The following LCORL variants were observed in gnomAD, a reference collection of about 807,000 sequenced individuals.
The protein encoded by LCORL is ligand dependent nuclear receptor corepressor like, also known as ligand-dependent nuclear receptor corepressor-like protein.
In LCORL, 41 loss-of-function variants were observed where a neutral mutation model predicts 141.8. The ratio of observed to expected loss-of-function variants is 0.29; its 90% CI spans 0.23 to 0.38. LCORL has a LOEUF of 0.38. Among genes scored for constraint, LCORL ranks in the 10% least tolerant of loss-of-function variants. The pLI is 1.00. For synonymous variants in LCORL, 618 were observed against 694.1 expected (o/e 0.89, Z 1.72); for missense variants, 1,759 against 2,035.0 (o/e 0.86, Z 2.61).
exon 7 of LCORL, chr4:17,877,042 T>C (rs1011248982): frequency 2.4e-6 from 3 of 1,230,626 alleles, no homozygotes; most frequent in Non-Finnish European, 3.0e-6. Context: ...TTCCTTGAAC[T>C]TTTTTCGGTG....
chr4:17,856,963 C>T (rs1326372498), intron 7 of LCORL, among the ~76,000 whole-genome samples: 1 of 152,160 alleles, frequency 6.6e-6, no homozygotes. Context: ...AAAATACAGA[C>T]TGGTGAGAAT....
chr4:17,979,093 T>G (rs1394312249), intron 1 of LCORL, among the ~76,000 whole-genome samples: 1 of 152,032 alleles, frequency 6.6e-6, no homozygotes, highest in Non-Finnish European at 1.5e-5. Flanking sequence ...TTCCCCTTCC[T>G]GTGTCCATGT....
chr4:17,906,428 A>G (rs972494044), intron 5 of LCORL, among the ~76,000 whole-genome samples: 2 of 152,142 alleles, frequency 1.3e-5, no homozygotes, highest in Admixed American at 6.5e-5. Flanking sequence ...AATAATTTCT[A>G]TCCTCAAGAA....
At chr4:18,004,972 G>A (rs562386648) in intron 1 of LCORL, among the ~76,000 whole-genome samples, 2 of 151,880 alleles carry the variant, frequency 1.3e-5, no homozygotes, top group African/African-American at 4.8e-5. Flanking sequence ...GCCCAGACTG[G>A]AGTGCAATGA....
In LCORL at chr4:17,883,411, G is replaced by A. The variant is rs574227746; in HGVS notation, c.776+2657C>T. 14 of 1,090,826 alleles carry A rather than the reference G, an allele frequency of 1.3e-5. No individual in the cohort carries two copies. The East Asian group carries it at 2.9e-4, about 22-fold the overall frequency. 67.6% of individuals were successfully genotyped at this position (1,090,826 alleles called of 1,614,324 possible). Reference sequence around the variant, plus strand: ...TGACAATTACTCGTTTTCCCACAACGCTTTATGCTATTGACTACTAAAGAA... The same window carrying A: ...TGACAATTACTCGTTTTCCCACAACACTTTATGCTATTGACTACTAAAGAA... On this transcript the variant is annotated intron_variant, in intron 6 of 7. Coordinates refer to ENST00000635767, the Ensembl canonical transcript of LCORL.
chr4:17,882,161 C>T (rs1318015300), intron 6 of LCORL: 8 of 983,392 alleles, frequency 8.1e-6, no homozygotes, highest in East Asian at 1.1e-4. Context: ...TAGTATTACA[C>T]GTATATATGA....
At chr4:17,875,751 C>T in exon 7 of LCORL, 1 of 1,230,896 alleles carries the variant, frequency 8.1e-7, no homozygotes, top group Non-Finnish European at 1.0e-6. Context: ...TTTTTTTGGT[C>T]TACCTGGTTT....
chr4:17,951,500 C>T (rs1450285246), intron 4 of LCORL, among the ~76,000 whole-genome samples: 1 of 152,198 alleles, frequency 6.6e-6, no homozygotes, highest in Non-Finnish European at 1.5e-5. Flanking sequence ...CCTAAGATCT[C>T]TATGGTTTGC....
chr4:17,924,680 A>G (rs1230024993), intron 4 of LCORL, among the ~76,000 whole-genome samples: 1 of 152,172 alleles, frequency 6.6e-6, no homozygotes, highest in Admixed American at 6.5e-5. Flanking sequence ...TATTCCACAT[A>G]GCATTGCCTC....
chr4:17,856,296 A>T (rs1320067208), intron 7 of LCORL, among the ~76,000 whole-genome samples: 2 of 152,164 alleles, frequency 1.3e-5, no homozygotes, highest in Non-Finnish European at 2.9e-5. Context: ...GTATTTGGGG[A>T]TAGGACCTTT....
chr4:17,858,220 A>T (rs1431344150), intron 7 of LCORL, among the ~76,000 whole-genome samples: 1 of 152,164 alleles, frequency 6.6e-6, no homozygotes, highest in African/African-American at 2.4e-5. Context: ...CGAAATAAAA[A>T]ATATCCTAGA....
At chr4:17,952,389 C>G (rs1036989659) in intron 4 of LCORL, among the ~76,000 whole-genome samples, 13 of 151,586 alleles carry the variant, frequency 8.6e-5, no homozygotes, top group African/African-American at 1.2e-4. Flanking sequence ...AAATAAAAAA[C>G]CCATTTTCTT....
chr4:17,957,922 T>C (rs930703497), intron 4 of LCORL, among the ~76,000 whole-genome samples: 2 of 151,950 alleles, frequency 1.3e-5, no homozygotes, highest in Non-Finnish European at 2.9e-5. Flanking sequence ...TAAATTTACA[T>C]AGTCAATCAA....
intron 1 of LCORL, among the ~76,000 whole-genome samples, chr4:18,010,207 C>A (rs936959444): frequency 1.3e-5 from 2 of 151,542 alleles, no homozygotes; most frequent in Admixed American, 1.3e-4. Context: ...CAGAAGAGAG[C>A]ACTGGGTTTC....
At chr4:17,874,874 C>T (rs1726748588) in exon 7 of LCORL, 1 of 1,233,488 alleles carries the variant, frequency 8.1e-7, no homozygotes, top group Non-Finnish European at 1.0e-6. Flanking sequence ...TATGTTTTTC[C>T]TTCTGACTTT....
At chr4:17,872,234 T>C (rs1447414767) in intron 7 of LCORL, among the ~76,000 whole-genome samples, 4 of 152,080 alleles carry the variant, frequency 2.6e-5, no homozygotes, top group Admixed American at 1.3e-4. Flanking sequence ...TCCCTCATTG[T>C]CCAGTACTTA....
At chr4:17,983,096 T>G (rs1055841980) in intron 1 of LCORL, among the ~76,000 whole-genome samples, 1 of 152,142 alleles carries the variant, frequency 6.6e-6, no homozygotes, top group Middle Eastern at 3.2e-3. Context: ...CTTATTTCTG[T>G]GCTCTCTATT....
At chr4:17,999,873 A>G (rs1459503354) in intron 1 of LCORL, among the ~76,000 whole-genome samples, 3 of 152,232 alleles carry the variant, frequency 2.0e-5, no homozygotes, top group Non-Finnish European at 4.4e-5. Flanking sequence ...ACCCATGAAG[A>G]GCACATACTA....
intron 6 of LCORL, chr4:17,881,809 T>C: frequency 1.0e-6 from 1 of 983,258 alleles, no homozygotes; most frequent in South Asian, 4.7e-5. Context: ...GTCAATAAAA[T>C]TGTTTTGAAA....
Sources: gnomAD v4.1 joint callset for allele counts (sites outside exome capture counted in the v4.1 genomes callset) on GRCh38, gnomAD v4.1.1 for gene constraint, MANE v1.5 for transcripts, NCBI Gene and HGNC (gene_info 2026-07-23, HGNC 2026-07-21) for gene names.